RHEX: variants seen among roughly 807,000 people sequenced by gnomAD.
RHEX encodes regulator of hemoglobinization and erythroid cell expansion protein.
Under a neutral mutation model 20.1 loss-of-function variants are expected in RHEX, and 18 were observed. The observed-to-expected ratio is 0.90, with a 90% CI of 0.62 to 1.33. The LOEUF (loss-of-function observed/expected upper bound fraction) is 1.33, where lower values mean the gene tolerates loss of function less well. Ranked by LOEUF, RHEX falls within the 40% of genes most tolerant of loss-of-function variation. The probability of loss-of-function intolerance (pLI) is 0.00; values close to 1 mark genes in which losing one functional copy is unlikely to be tolerated. For missense variants in RHEX, 192 were observed against 214.3 expected (o/e 0.90, Z 0.65); for synonymous variants, 87 against 77.1 (o/e 1.13, Z -0.67).
intron 1 of RHEX, among the ~76,000 whole-genome samples, chr1:206,093,677 G>C (rs546070011): frequency 6.6e-6 from 1 of 152,226 alleles, no homozygotes; most frequent in Non-Finnish European, 1.5e-5. Flanking sequence ...GCAGGAAAGT[G>C]GGCATCTTTT....
At chr1:206,074,622 C>T (rs1662596904) in intron 1 of RHEX, among the ~76,000 whole-genome samples, 1 of 152,168 alleles carries the variant, frequency 6.6e-6, no homozygotes, top group Admixed American at 6.5e-5. Context: ...TTCATCACCC[C>T]TAAAGGAAAC....
chr1:206,074,327 GCT>G (rs1662590721), intron 1 of RHEX, among the ~76,000 whole-genome samples: 1 of 152,174 alleles, frequency 6.6e-6, no homozygotes, highest in Admixed American at 6.5e-5. Context: ...GTATCCCAGT[GCT>G]TAGCACAGAG....
intron 1 of RHEX, among the ~76,000 whole-genome samples, chr1:206,077,955 T>G (rs1377194227): frequency 6.6e-6 from 1 of 152,212 alleles, no homozygotes; most frequent in Non-Finnish European, 1.5e-5. Context: ...ATAGCCAGAT[T>G]GTCCACATGG....
chr1:206,098,948 A>C lies in RHEX; in HGVS notation c.113-707A>C, dbSNP rs143929681. 6.9e-3 allele frequency among the ~76,000 whole-genome samples: 1,051 copies of C among 152,360 alleles called. 13 individuals are homozygous for C. The highest frequency in any genetic ancestry group is 0.05 in the South Asian group (240 of 4,830). On this transcript the variant is annotated intron_variant, in intron 3 of 5. Transcript: ENST00000331555. Reference sequence around the variant, plus strand: ...CTAGGGAGGAAAAATGGAACAAGGGAGTTGATACAGCTTGGTGGATGGCTG... The same window carrying C: ...CTAGGGAGGAAAAATGGAACAAGGGCGTTGATACAGCTTGGTGGATGGCTG...
At chr1:206,063,529 T>C (rs1247914484) in intron 1 of RHEX, among the ~76,000 whole-genome samples, 17 of 152,226 alleles carry the variant, frequency 1.1e-4, no homozygotes, top group Non-Finnish European at 4.4e-5. Flanking sequence ...GTGCCTGCAA[T>C]TGCAGGCGCG....
At chr1:206,068,935 C>G (rs1413729061) in intron 1 of RHEX, among the ~76,000 whole-genome samples, 1 of 152,194 alleles carries the variant, frequency 6.6e-6, no homozygotes, top group Non-Finnish European at 1.5e-5. Context: ...CACAGGGGCC[C>G]CCATGACCAA....
At chr1:206,081,616 G>A (rs80189649) in intron 1 of RHEX, among the ~76,000 whole-genome samples, 2,224 of 152,256 alleles carry the variant, frequency 0.015, 53 homozygotes, top group African/African-American at 0.051. Flanking sequence ...CTTAATTAAA[G>A]GAATCATTAT....
chr1:206,076,660 G>A (rs1428790624), intron 1 of RHEX, among the ~76,000 whole-genome samples: 2 of 152,162 alleles, frequency 1.3e-5, no homozygotes, highest in Admixed American at 1.3e-4. Flanking sequence ...CATTAATTCA[G>A]CCATGTGACC....
At chr1:206,081,676 A>T (rs868938142) in intron 1 of RHEX, among the ~76,000 whole-genome samples, 1 of 152,212 alleles carries the variant, frequency 6.6e-6, no homozygotes, top group African/African-American at 2.4e-5. Flanking sequence ...TCAACTGAAG[A>T]TCTCTAAAAT....
At chr1:206,053,789 A>C (rs1662118619) in intron 1 of RHEX, among the ~76,000 whole-genome samples, 1 of 152,238 alleles carries the variant, frequency 6.6e-6, no homozygotes, top group South Asian at 2.1e-4. Context: ...ACCAGTTTCC[A>C]TACATAGAAA....
chr1:206,065,009 T>C (rs1405927801), intron 1 of RHEX, among the ~76,000 whole-genome samples: 2 of 152,134 alleles, frequency 1.3e-5, no homozygotes, highest in East Asian at 3.8e-4. Context: ...ACATGTGCTG[T>C]GTCCACTCAG....
chr1:206,101,005 C>T (rs910672326), intron 4 of RHEX, 131 bp from the exon 5 acceptor site: 1 of 633,994 alleles, frequency 1.6e-6, no homozygotes, highest in Non-Finnish European at 2.7e-6. Flanking sequence ...CTTCCCTACC[C>T]CCCCTTTTTG....
intron 1 of RHEX, among the ~76,000 whole-genome samples, chr1:206,074,029 C>T (rs1219445712): frequency 2.6e-5 from 4 of 152,120 alleles, no homozygotes; most frequent in African/African-American, 7.2e-5. Context: ...GCCTCGTACC[C>T]GCTCCCCTCT....
chr1:206,059,284 G>A (rs1330572924), intron 1 of RHEX, among the ~76,000 whole-genome samples: 5 of 152,182 alleles, frequency 3.3e-5, no homozygotes, highest in South Asian at 4.1e-4. Flanking sequence ...GGGAAACTTG[G>A]TGAGGTCAGC....
intron 1 of RHEX, among the ~76,000 whole-genome samples, chr1:206,089,179 T>A (rs1662897469): frequency 6.6e-6 from 1 of 152,090 alleles, no homozygotes; most frequent in Non-Finnish European, 1.5e-5. Context: ...GAATTAGTTG[T>A]ACTTTTTTTT....
intron 1 of RHEX, among the ~76,000 whole-genome samples, chr1:206,088,653 A>G (rs1244839111): frequency 6.6e-6 from 1 of 152,246 alleles, no homozygotes; most frequent in Non-Finnish European, 1.5e-5. Flanking sequence ...ACTGCACTCC[A>G]GCCTGGGGAC....
chr1:206,098,431 A>G, intron 3 of RHEX: 1 of 469,354 alleles, frequency 2.1e-6, no homozygotes, highest in East Asian at 3.5e-5. Flanking sequence ...TACTACCCAG[A>G]CCTTCTGCCT....
rs534909293 is a variant in RHEX, at chr1:206,080,747, C to T, written c.-96-16986C>T. ...TGGCAGTTGGAGCCCTGAACCCAGA[C>T]CTCAGTAGGAAGCATCAGCGTGCAT... is the stretch of plus-strand genomic sequence containing the variant. On this transcript the variant is annotated intron_variant, in intron 1 of 5. Coordinates refer to ENST00000331555, the MANE Select transcript of RHEX (RefSeq NM_001007544.4). Among the ~76,000 whole-genome samples, 3 of 152,286 alleles carry T rather than the reference C, an allele frequency of 2.0e-5. No homozygotes were observed. The South Asian group carries it at 6.2e-4, about 32-fold the overall frequency.
intron 1 of RHEX, among the ~76,000 whole-genome samples, chr1:206,084,894 A>T (rs1662808341): frequency 6.6e-6 from 1 of 152,194 alleles, no homozygotes; most frequent in Non-Finnish European, 1.5e-5. Flanking sequence ...CTGAATCCTG[A>T]CAAGGAGGCA....
Sources: gnomAD v4.1 joint callset for allele counts (sites outside exome capture counted in the v4.1 genomes callset) on GRCh38, gnomAD v4.1.1 for gene constraint, MANE v1.5 for transcripts, NCBI Gene and HGNC (gene_info 2026-07-23, HGNC 2026-07-21) for gene names.